Variants in SLC9A8 observed in about 807,000 individuals in gnomAD.
SLC9A8 encodes sodium/hydrogen exchanger 8.
Under a neutral mutation model 66.6 loss-of-function variants are expected in SLC9A8, and 48 were observed. The ratio of observed to expected loss-of-function variants is 0.72; its 90% CI spans 0.57 to 0.92. The LOEUF (loss-of-function observed/expected upper bound fraction) is 0.92, where lower values mean the gene tolerates loss of function less well. Among genes scored for constraint, SLC9A8 ranks in the 40% least tolerant of loss-of-function variants. The pLI is 0.00. For missense variants in SLC9A8, 599 were observed against 747.3 expected (o/e 0.80, Z 2.31); for synonymous variants, 274 against 282.6 (o/e 0.97, Z 0.31).
chr20:49,829,870 G>A (rs2087099342), intron 3 of SLC9A8: 3 of 566,864 alleles, frequency 5.3e-6, no homozygotes, highest in South Asian at 2.8e-5. Flanking sequence ...GAAAGAAGGG[G>A]GTGTCTTCGG....
At chr20:49,869,641 G>C (rs992879818) in intron 10 of SLC9A8, among the ~76,000 whole-genome samples, 5 of 151,872 alleles carry the variant, frequency 3.3e-5, no homozygotes, top group African/African-American at 1.2e-4. Flanking sequence ...AAACCATTCT[G>C]GCTAATATGG....
chr20:49,865,036 A>G (rs1194717659), intron 10 of SLC9A8, among the ~76,000 whole-genome samples, 192 bp downstream of exon 10: 1 of 152,232 alleles, frequency 6.6e-6, no homozygotes, highest in Non-Finnish European at 1.5e-5. Context: ...CAGGGGCTCA[A>G]ACAGTCACAT....
chr20:49,864,172 C>G (rs917058910), intron 9 of SLC9A8, among the ~76,000 whole-genome samples: 6 of 152,124 alleles, frequency 3.9e-5, no homozygotes, highest in Non-Finnish European at 7.3e-5. Flanking sequence ...ATAGAAGGCT[C>G]TCTCCTTTCA....
chr20:49,849,217 G>A (rs73125645), intron 5 of SLC9A8, among the ~76,000 whole-genome samples: 10,976 of 152,234 alleles, frequency 0.072, 416 homozygotes, highest in Middle Eastern at 0.085. Flanking sequence ...CATTCAGGGT[G>A]GGGGCTAGCT....
In SLC9A8 at chr20:49,834,214, T is replaced by TATATATAC. The variant is rs1479055075; in HGVS notation, c.290-5326_290-5325insTATATACA. On this transcript the variant is annotated intron_variant, in intron 3 of 15. Coordinates refer to ENST00000361573, the MANE Select transcript of SLC9A8 (RefSeq NM_015266.3). ...ATATATATATATATATATATATATA[T>TATATATAC]ACACACACACACTATGTATATACAC... 1.8e-3 allele frequency among the ~76,000 whole-genome samples: 197 copies of TATATATAC among 112,024 alleles called. 5 individuals carry two copies. Among genetic ancestry groups the TATATATAC allele is most frequent in the African/African-American group, 4.0e-3 (103 of 26,026 alleles). 73.5% of individuals were successfully genotyped at this position (112,024 alleles called of 152,430 possible).
At chr20:49,869,271 G>T (rs192942361) in intron 10 of SLC9A8, among the ~76,000 whole-genome samples, 17 of 152,214 alleles carry the variant, frequency 1.1e-4, no homozygotes, top group Non-Finnish European at 1.9e-4. Context: ...CCAGTCTGGA[G>T]TGCAGTGGTG....
chr20:49,826,547 G>T (rs974971261), intron 3 of SLC9A8, among the ~76,000 whole-genome samples: 2 of 152,162 alleles, frequency 1.3e-5, no homozygotes, highest in African/African-American at 4.8e-5. Flanking sequence ...AGGACCATCT[G>T]CACTCCAAAA....
chr20:49,886,243 ACCTCCGTCTCTCC>A lies in SLC9A8; in HGVS notation c.1492-503_1492-491del, dbSNP rs1019977480. On this transcript the variant is annotated intron_variant, in intron 14 of 15. Transcript: ENST00000361573. The surrounding 1 kb of genome is among the most constrained non-coding windows in gnomAD (Gnocchi z 4.8). ...CCTATGACCCGAGTCCCGCCTCTTT[ACCTCCGTCTCTCC>A]CCTCCACATGGGGTCCTTTTCTTCG... is the stretch of plus-strand genomic sequence containing the variant. 1.3e-5 allele frequency: 2 copies of A among 151,154 alleles called. No homozygotes were observed. Among genetic ancestry groups the A allele is most frequent in the African/African-American group, 4.9e-5 (2 of 40,866 alleles). The allele number at this position is 151,154 out of a possible 1,614,324, so 9.4% of individuals were successfully genotyped here.
intron 10 of SLC9A8, among the ~76,000 whole-genome samples, chr20:49,869,379 C>T (rs1052992053): frequency 3.3e-5 from 5 of 151,978 alleles, no homozygotes; most frequent in Admixed American, 6.5e-5. Context: ...CCACCACGCC[C>T]GACTAATTTT....
intron 7 of SLC9A8, among the ~76,000 whole-genome samples, chr20:49,854,087 G>A (rs2146631138): frequency 6.6e-6 from 1 of 152,326 alleles, no homozygotes; most frequent in African/African-American, 2.4e-5. Context: ...GACTGACACA[G>A]GCTGGCCATT....
Position 49,887,978 on chromosome 20 carries a change from C to T in SLC9A8, c.*42C>T, listed in dbSNP as rs1285064398. The T allele has an allele frequency of 1.4e-6, 2 of 1,479,120 alleles. No homozygotes were observed. The highest frequency in any genetic ancestry group is 1.7e-5 in the Admixed American group (1 of 59,568). The allele number at this position is 1,479,120 out of a possible 1,614,324, so 91.6% of individuals were successfully genotyped here. ...TTCAGGCAGGCAGGCCCAGGATGGG[C>T]GTTTGCTGCGCACAGACACTCAGCA... is the stretch of plus-strand genomic sequence containing the variant. On this transcript the variant is annotated 3_prime_UTR_variant, in exon 16 of 16. Transcript: ENST00000361573.
chr20:49,832,397 C>T (rs964757477), intron 3 of SLC9A8, among the ~76,000 whole-genome samples: 5 of 152,138 alleles, frequency 3.3e-5, no homozygotes, highest in African/African-American at 7.2e-5. Flanking sequence ...GGGACATCCT[C>T]GAGGCCCTAG....
At chr20:49,862,596 C>T (rs1414578052) in intron 8 of SLC9A8, among the ~76,000 whole-genome samples, 3 of 152,094 alleles carry the variant, frequency 2.0e-5, no homozygotes, top group Non-Finnish European at 4.4e-5. Context: ...TCCTTGAGCC[C>T]GGCCAGTCTG....
At chr20:49,871,022 A>G (rs922877416) in intron 10 of SLC9A8, among the ~76,000 whole-genome samples, 4 of 152,262 alleles carry the variant, frequency 2.6e-5, no homozygotes, top group Non-Finnish European at 5.9e-5. Context: ...GATAAACTTT[A>G]TAATCACATG....
chr20:49,853,271 G>A (rs940836530), intron 7 of SLC9A8, among the ~76,000 whole-genome samples: 1 of 152,058 alleles, frequency 6.6e-6, no homozygotes, highest in Non-Finnish European at 1.5e-5. Flanking sequence ...AGCCTCCTGA[G>A]TAGCTCGGAC....
chr20:49,834,271 A>G (rs531862699), intron 3 of SLC9A8, among the ~76,000 whole-genome samples: 2 of 143,594 alleles, frequency 1.4e-5, no homozygotes, highest in African/African-American at 2.5e-5. Flanking sequence ...TGCACTATAT[A>G]TACACACAGT....
chr20:49,860,326 A>T (rs2088680522), intron 8 of SLC9A8, among the ~76,000 whole-genome samples: 1 of 152,138 alleles, frequency 6.6e-6, no homozygotes, highest in Non-Finnish European at 1.5e-5. Context: ...GACTTCTCAG[A>T]CCTTTATTAT....
chr20:49,847,405 G>A (rs1418987098), intron 5 of SLC9A8, among the ~76,000 whole-genome samples: 1 of 148,934 alleles, frequency 6.7e-6, no homozygotes, highest in Non-Finnish European at 1.5e-5. Flanking sequence ...TTTTTTAGAG[G>A]GGAGAGAAAC....
At chr20:49,857,355 A>G (rs1430515398) in intron 8 of SLC9A8, among the ~76,000 whole-genome samples, 2 of 152,220 alleles carry the variant, frequency 1.3e-5, no homozygotes, top group African/African-American at 4.8e-5. Context: ...TATAGACTAT[A>G]TTCAGAATTC....
Sources: allele counts gnomAD v4.1 joint callset (sites outside exome capture counted in the v4.1 genomes callset), GRCh38; gene constraint gnomAD v4.1.1; non-coding constraint Gnocchi (gnomAD v3.1); transcripts MANE v1.5; gene names NCBI Gene and HGNC (gene_info 2026-07-23, HGNC 2026-07-21).